CBR4: variants seen among roughly 807,000 people sequenced by gnomAD.
CBR4 encodes 3-oxoacyl-[acyl-carrier-protein] reductase.
Under a neutral mutation model 21.0 loss-of-function variants are expected in CBR4, and 22 were observed. That is an observed-to-expected ratio of 1.05 (90% CI 0.75 to 1.50). The LOEUF is 1.50. CBR4 is among the 40% of genes most tolerant of loss of function. The pLI, the probability that CBR4 is intolerant of heterozygous loss-of-function variation, is 0.00. For missense variants in CBR4, 302 were observed against 286.3 expected (o/e 1.05, Z -0.40); for synonymous variants, 100 against 104.4 (o/e 0.96, Z 0.26).
rs113654271 is a variant in CBR4, at chr4:168,966,279, C to T, written n.169+35792G>A. Among the ~76,000 whole-genome samples the T allele has an allele frequency of 9.5e-4, 140 of 146,786 alleles. 1 individual carries two copies. The highest frequency in any genetic ancestry group is 3.4e-3 in the African/African-American group (135 of 39,726). Reference sequence around the variant, plus strand: ...CTGTAATCCTAGCACTTTGGGAGGCCGAGGAGGGCGGACCACGAGGTCAGG... The same window carrying T: ...CTGTAATCCTAGCACTTTGGGAGGCTGAGGAGGGCGGACCACGAGGTCAGG... On this transcript the variant is annotated intron_variant and non_coding_transcript_variant, in intron 2 of 3. Transcript: ENST00000509108.
intron 2 of CBR4, among the ~76,000 whole-genome samples, chr4:168,930,904 C>T (rs1363736590): frequency 2.0e-5 from 3 of 152,214 alleles, no homozygotes; most frequent in African/African-American, 7.2e-5. Context: ...TGCACAGCTG[C>T]ATTCCTCTGG....
At chr4:169,000,265 T>C (rs1321300576) in intron 4 of CBR4, among the ~76,000 whole-genome samples, 2 of 152,130 alleles carry the variant, frequency 1.3e-5, no homozygotes, top group African/African-American at 2.4e-5. Context: ...TGCTTCTGGA[T>C]TGTTTTTTCT....
intron 2 of CBR4, among the ~76,000 whole-genome samples, chr4:168,904,688 G>A (rs1313702398): frequency 6.6e-6 from 1 of 151,832 alleles, no homozygotes; most frequent in Non-Finnish European, 1.5e-5. Flanking sequence ...GAAAAAAAAA[G>A]GCATGGTAAA....
chr4:168,980,273 T>C (rs908487731), intron 2 of CBR4, among the ~76,000 whole-genome samples: 5 of 151,914 alleles, frequency 3.3e-5, no homozygotes, highest in Non-Finnish European at 7.4e-5. Flanking sequence ...GGAGGCTCAC[T>C]TGGAGCACTG....
chr4:168,987,773 G>A lies in CBR4; in HGVS notation c.*2377C>T, dbSNP rs577399959. 4.2e-5 allele frequency: 41 copies of A among 984,656 alleles called. No individual in the cohort carries two copies. The Middle Eastern group carries it at 1.6e-3, about 38-fold the overall frequency. 61.0% of individuals were successfully genotyped at this position (984,656 alleles called of 1,614,324 possible). ...TCTTTATTCTGAATAACAGAAGCACGTAAATTAAATTATCCTCTTTGCACA... is the reference window on the plus strand; with the variant it reads ...TCTTTATTCTGAATAACAGAAGCACATAAATTAAATTATCCTCTTTGCACA... On this transcript the variant is annotated 3_prime_UTR_variant, in exon 5 of 5. Transcript: ENST00000306193.
intron 2 of CBR4, chr4:168,898,829 G>A (rs1755828161): frequency 1.1e-5 from 8 of 761,442 alleles, no homozygotes; most frequent in South Asian, 7.4e-5. Flanking sequence ...CAATACCCAC[G>A]ATATAAAGGG....
chr4:168,964,402 GA>G (rs1383159285), intron 2 of CBR4, among the ~76,000 whole-genome samples: 1 of 152,060 alleles, frequency 6.6e-6, no homozygotes, highest in Non-Finnish European at 1.5e-5. Flanking sequence ...AAATAAAGAC[GA>G]CCTTCAATCG....
chr4:168,926,241 C>G, intron 2 of CBR4: 1 of 1,535,456 alleles, frequency 6.5e-7, no homozygotes, highest in Non-Finnish European at 8.7e-7. Flanking sequence ...CACAGAGCAC[C>G]AAGCCAAAAA....
At chr4:168,943,528 T>C (rs992584478) in intron 2 of CBR4, among the ~76,000 whole-genome samples, 4 of 152,292 alleles carry the variant, frequency 2.6e-5, no homozygotes, top group Admixed American at 2.0e-4. Flanking sequence ...CCATAATCTT[T>C]TACATCATAA....
chr4:169,005,904 C>T, intron 3 of CBR4: 1 of 1,287,818 alleles, frequency 7.8e-7, no homozygotes, highest in Non-Finnish European at 1.0e-6. Context: ...GCAGCATCTC[C>T]CTTCTGTGGC....
At chr4:168,920,109 C>G (rs1761136453) in intron 2 of CBR4, among the ~76,000 whole-genome samples, 1 of 152,094 alleles carries the variant, frequency 6.6e-6, no homozygotes, top group Admixed American at 6.5e-5. Context: ...CAACAAGGAG[C>G]CTGACCAAAG....
At chr4:168,977,061 C>A (rs569205792) in intron 2 of CBR4, among the ~76,000 whole-genome samples, 1 of 152,362 alleles carries the variant, frequency 6.6e-6, no homozygotes, top group African/African-American at 2.4e-5. Context: ...CCACTTCTTA[C>A]AAAGGGTCTG....
At chr4:169,000,813 C>G (rs1477762588) in intron 4 of CBR4, among the ~76,000 whole-genome samples, 4 of 151,952 alleles carry the variant, frequency 2.6e-5, no homozygotes, top group African/African-American at 9.7e-5. Context: ...CTTCATTAAT[C>G]CAGGCAATTT....
At chr4:168,959,661 G>A (rs1178074978) in intron 2 of CBR4, among the ~76,000 whole-genome samples, 1 of 149,878 alleles carries the variant, frequency 6.7e-6, no homozygotes, top group African/African-American at 2.5e-5. Context: ...CACCTCCAGG[G>A]TTCAAGCAAT....
In CBR4 at chr4:169,010,233, ACCT is replaced by A. The variant is rs1462541079; in HGVS notation, c.-147_-145del. 4.2e-6 allele frequency: 3 copies of A among 717,290 alleles called. No individual in the cohort carries two copies. The highest frequency in any genetic ancestry group is 6.5e-6 in the Non-Finnish European group (3 of 458,086). 44.4% of individuals were successfully genotyped at this position (717,290 alleles called of 1,614,324 possible). A position where few individuals can be genotyped will look rare whatever the true frequency, so the allele number is the denominator to read the frequency against. ...GCAAAAAAAAATAACGCCGCTCGAC[ACCT>A]CCTGCAGCCGCACAATAGTAATGCA... On this transcript the variant is annotated 5_prime_UTR_variant, in exon 1 of 5. Transcript: ENST00000306193.
chr4:168,926,942 TG>T (rs1762648034), intron 2 of CBR4: 1 of 219,670 alleles, frequency 4.6e-6, no homozygotes, highest in African/African-American at 2.3e-5. Flanking sequence ...AGGAACTACT[TG>T]CCTTAAATGT....
chr4:168,979,604 A>C (rs1764479663), intron 2 of CBR4, among the ~76,000 whole-genome samples: 1 of 152,156 alleles, frequency 6.6e-6, no homozygotes, highest in African/African-American at 2.4e-5. Flanking sequence ...GAACGAACAA[A>C]GAGCCTGGTT....
rs774568391 is a variant in CBR4, at chr4:168,921,597, A to G, written n.170-26832T>C. On this transcript the variant is annotated intron_variant and non_coding_transcript_variant, in intron 2 of 3. Transcript: ENST00000509108. ...AGATGGAAAGCCCGTACGCCCTGACAGTGCTCACAAGATGCTGGTGCGTGA... is the reference window on the plus strand; with the variant it reads ...AGATGGAAAGCCCGTACGCCCTGACGGTGCTCACAAGATGCTGGTGCGTGA... 1.2e-5 allele frequency: 20 copies of G among 1,610,218 alleles called. No individual in the cohort carries two copies. The highest frequency in any genetic ancestry group is 6.6e-5 in the South Asian group (6 of 90,700).
At position 168,988,660 on chromosome 4, in the gene CBR4, AC is replaced by A; in HGVS notation, c.*1489del. 1.0e-6 allele frequency: 1 copy of A among 984,204 alleles called. No individual in the cohort carries two copies. Among genetic ancestry groups the A allele is most frequent in the Non-Finnish European group, 1.2e-6 (1 of 828,828 alleles). 61.0% of individuals were successfully genotyped at this position (984,204 alleles called of 1,614,324 possible). ...TAATGCCTGATAAATTCTGTATATT[AC>A]CACGTCTTGCATTTAATAGACAATT... On this transcript the variant is annotated 3_prime_UTR_variant, in exon 5 of 5. Transcript: ENST00000306193.
Sources: allele counts gnomAD v4.1 joint callset (sites outside exome capture counted in the v4.1 genomes callset), GRCh38; gene constraint gnomAD v4.1.1; transcripts MANE v1.5; gene names NCBI Gene and HGNC (gene_info 2026-07-23, HGNC 2026-07-21).